WDR43: variants seen among roughly 807,000 people sequenced by gnomAD.
The protein encoded by WDR43 is WD repeat-containing protein 43.
A neutral mutation model predicts 91.4 loss-of-function variants in WDR43; 13 were observed. The ratio of observed to expected loss-of-function variants is 0.14; its 90% CI spans 0.09 to 0.23. The LOEUF (loss-of-function observed/expected upper bound fraction) is 0.23. Among genes scored for constraint, WDR43 ranks in the 10% least tolerant of loss-of-function variants. The pLI is 1.00. For synonymous variants in WDR43, 331 were observed against 287.9 expected (o/e 1.15, Z -1.51); for missense variants, 780 against 809.4 (o/e 0.96, Z 0.44).
chr2:28,912,578 T>A lies in WDR43; in HGVS notation c.486-12T>A. 1 of 1,609,346 alleles carries A rather than the reference T, an allele frequency of 6.2e-7. No homozygotes were observed. ...ATGTATTGAGATGCTTTTTTTTCTC[T>A]TCACAATATAGCAAATGGAAAGGCG... On this transcript the variant is annotated splice_polypyrimidine_tract_variant and intron_variant, in intron 3 of 17. Coordinates refer to ENST00000407426, the MANE Select transcript of WDR43 (RefSeq NM_015131.3).
At chr2:28,945,062 A>G (rs890460651) in intron 16 of WDR43, among the ~76,000 whole-genome samples, 2 of 152,216 alleles carry the variant, frequency 1.3e-5, no homozygotes, top group African/African-American at 2.4e-5. Context: ...TGTGTAATTC[A>G]TGGGTAGTAT....
intron 1 of WDR43, among the ~76,000 whole-genome samples, chr2:28,897,064 C>G (rs66604446): frequency 3.1e-4 from 47 of 151,978 alleles, no homozygotes; most frequent in African/African-American, 1.1e-3. Context: ...CATGGTGCCC[C>G]GAACTCCTGG....
intron 11 of WDR43, among the ~76,000 whole-genome samples, chr2:28,933,423 CA>C (rs1191658255): frequency 6.6e-6 from 1 of 152,024 alleles, no homozygotes; most frequent in East Asian, 1.9e-4. Context: ...CCTAAAACTA[CA>C]AAACTTCTGG....
chr2:28,923,464 G>T (rs1431000817), intron 7 of WDR43, among the ~76,000 whole-genome samples: 1 of 152,052 alleles, frequency 6.6e-6, no homozygotes, highest in African/African-American at 2.4e-5. Context: ...TTATTATTTT[G>T]CCCTTTTCAG....
At chr2:28,908,851 A>G (rs554564580) in intron 3 of WDR43, among the ~76,000 whole-genome samples, 2 of 152,254 alleles carry the variant, frequency 1.3e-5, no homozygotes, top group African/African-American at 2.4e-5. Context: ...GTTGTATCAC[A>G]GTGTTTGATA....
chr2:28,894,964 G>T lies in WDR43; in HGVS notation c.225+41G>T, dbSNP rs771120735. 47 of 1,479,974 alleles carry T rather than the reference G, an allele frequency of 3.2e-5. 1 individual carries two copies. In the Middle Eastern group the frequency reaches 1.0e-3, roughly 32 times the overall value. 91.7% of individuals were successfully genotyped at this position (1,479,974 alleles called of 1,614,324 possible). ...CTGCGCGGGGCGGGCGCCTTCCCGG[G>T]CTCGGCTTCGGGCCTCCGGGCCGGG... On this transcript the variant is annotated intron_variant, in intron 1 of 17. Transcript: ENST00000407426.
At chr2:28,925,279 C>T in intron 8 of WDR43, 126 bp downstream of exon 8, 2 of 993,056 alleles carry the variant, frequency 2.0e-6, no homozygotes, top group Non-Finnish European at 2.8e-6. Flanking sequence ...TAAAGGATTT[C>T]TTCATGGAGT....
chr2:28,911,843 C>T (rs1306103123), intron 3 of WDR43, among the ~76,000 whole-genome samples: 3 of 151,792 alleles, frequency 2.0e-5, no homozygotes, highest in South Asian at 4.2e-4. Context: ...AGACTGGTCT[C>T]GAACTCCTGG....
intron 16 of WDR43, among the ~76,000 whole-genome samples, chr2:28,942,846 G>T (rs1023215713): frequency 6.6e-6 from 1 of 151,764 alleles, no homozygotes; most frequent in Non-Finnish European, 1.5e-5. Context: ...CAAACTCCTG[G>T]GCTCAAGTGA....
At chr2:28,899,085 G>A (rs183652218) in intron 1 of WDR43, among the ~76,000 whole-genome samples, 3 of 152,274 alleles carry the variant, frequency 2.0e-5, no homozygotes, top group African/African-American at 7.2e-5. Flanking sequence ...CCTTCATGGT[G>A]GAAAAGACTC....
chr2:28,926,448 T>TA lies in WDR43; in HGVS notation c.1087-12dup, dbSNP rs571418515. Reference sequence around the variant, plus strand: ...TTTTCTTTCCTCTCATCTTCCCCTTTAAAAAAAATATATTTTCAGGCTTTA... The same window carrying TA: ...TTTTCTTTCCTCTCATCTTCCCCTTTAAAAAAAAATATATTTTCAGGCTTTA... On this transcript the variant is annotated intron_variant, in intron 8 of 17. Coordinates refer to ENST00000407426, the MANE Select transcript of WDR43 (RefSeq NM_015131.3). The TA allele has an allele frequency of 4.5e-5, 67 of 1,494,240 alleles. No individual in the cohort carries two copies. Among genetic ancestry groups the TA allele is most frequent in the South Asian group, 1.1e-4 (8 of 73,048 alleles). 92.6% of individuals were successfully genotyped at this position (1,494,240 alleles called of 1,614,324 possible).
At chr2:28,913,129 A>AT (rs1255819671) in intron 4 of WDR43, among the ~76,000 whole-genome samples, 1 of 151,036 alleles carries the variant, frequency 6.6e-6, no homozygotes. Context: ...AATTTTTTGT[A>AT]TTTTTTAGTA....
intron 6 of WDR43, among the ~76,000 whole-genome samples, chr2:28,918,614 C>T (rs1194296254): frequency 6.6e-6 from 1 of 152,142 alleles, no homozygotes; most frequent in African/African-American, 2.4e-5. Context: ...GGTGATCCGC[C>T]CACCTCAGCC....
At position 28,894,934 on chromosome 2, in the gene WDR43, C is replaced by A; in HGVS notation, c.225+11C>A. The A allele has an allele frequency of 6.5e-7, 1 of 1,539,942 alleles. No individual in the cohort carries two copies. Among genetic ancestry groups the A allele is most frequent in the Non-Finnish European group, 8.8e-7 (1 of 1,141,116 alleles). On this transcript the variant is annotated intron_variant, in intron 1 of 17. Coordinates refer to ENST00000407426, the MANE Select transcript of WDR43 (RefSeq NM_015131.3). ...CGGCTGCAGGCCAAGGTAAAGCGAG[C>A]GGGACTGCGCGGGGCGGGCGCCTTC...
At chr2:28,907,594 T>G (rs1361161607) in intron 3 of WDR43, among the ~76,000 whole-genome samples, 2 of 142,912 alleles carry the variant, frequency 1.4e-5, no homozygotes, top group African/African-American at 5.3e-5. Context: ...GCCTGGGTGA[T>G]GGAGCAAGAC....
intron 11 of WDR43, among the ~76,000 whole-genome samples, chr2:28,932,394 C>A (rs1165259218): frequency 6.6e-6 from 1 of 152,156 alleles, no homozygotes. Context: ...GACTCCTGAT[C>A]TCCGGTCACC....
chr2:28,935,314 A>G (rs907066355), intron 11 of WDR43, among the ~76,000 whole-genome samples: 1 of 150,572 alleles, frequency 6.6e-6, no homozygotes, highest in Non-Finnish European at 1.5e-5. Flanking sequence ...CTGATACCCA[A>G]AGACTGTGCT....
chr2:28,900,963 G>A (rs990492488), intron 1 of WDR43, among the ~76,000 whole-genome samples: 16 of 152,204 alleles, frequency 1.1e-4, no homozygotes, highest in African/African-American at 3.6e-4. Context: ...TCTACTCCCT[G>A]ACACTCTTTA....
chr2:28,925,251 A>T (rs1201104788), intron 8 of WDR43, 98 bp downstream of exon 8: 1 of 1,171,710 alleles, frequency 8.5e-7, no homozygotes, highest in Non-Finnish European at 1.1e-6. Context: ...TAAGATAAAT[A>T]ATATATTCTT....
Sources: allele counts gnomAD v4.1 joint callset (sites outside exome capture counted in the v4.1 genomes callset), GRCh38; gene constraint gnomAD v4.1.1; transcripts MANE v1.5; gene names NCBI Gene and HGNC (gene_info 2026-07-23, HGNC 2026-07-21).